RALGPS1: variants seen among roughly 807,000 people sequenced by gnomAD.
The protein encoded by RALGPS1 is Ral GEF with PH domain and SH3 binding motif 1, also known as ras-specific guanine nucleotide-releasing factor RalGPS1.
Under a neutral mutation model 78.8 loss-of-function variants are expected in RALGPS1, and 19 were observed. That is an observed-to-expected ratio of 0.24 (90% CI 0.17 to 0.35). The LOEUF (loss-of-function observed/expected upper bound fraction) is 0.35, where lower values mean the gene tolerates loss of function less well. Ranked by LOEUF, RALGPS1 falls within the 10% of genes least tolerant of loss-of-function variation. The pLI is 1.00. For synonymous variants in RALGPS1, 228 were observed against 256.3 expected, an observed-to-expected ratio of 0.89 and a Z score of 1.06; for missense variants, 454 against 688.3, an observed-to-expected ratio of 0.66 and a Z score of 3.81.
intron 8 of RALGPS1, among the ~76,000 whole-genome samples, chr9:127,144,685 A>G (rs2057994221): frequency 6.6e-6 from 1 of 152,264 alleles, no homozygotes; most frequent in South Asian, 2.1e-4. Context: ...GCAGTGAAGT[A>G]CCGATCCATG....
Position 127,051,988 on chromosome 9 carries a change from C to A in RALGPS1, c.391-859C>A, listed in dbSNP as rs945686230. On this transcript the variant is annotated intron_variant, in intron 6 of 18. Coordinates refer to ENST00000259351, the MANE Select transcript of RALGPS1 (RefSeq NM_014636.3). ...CTGAGACTCATATTGTACTGAGCTC[C>A]TGCCCTGGGACCAGCCACTGGTCTA... is the stretch of plus-strand genomic sequence containing the variant. Among the ~76,000 whole-genome samples, 3 of 152,172 alleles carry A rather than the reference C, an allele frequency of 2.0e-5. No homozygotes were observed. In the South Asian group the frequency reaches 6.2e-4, roughly 32 times the overall value.
Position 127,127,082 on chromosome 9 carries a change from G to A in RALGPS1, c.611-38987G>A, listed in dbSNP as rs531374304. On this transcript the variant is annotated intron_variant, in intron 8 of 18. Coordinates refer to ENST00000259351, the MANE Select transcript of RALGPS1 (RefSeq NM_014636.3). Reference sequence around the variant, plus strand: ...CAGTTTAGGAGTTAGCTAAGGATTTGAAGGGAATTGGTGTAGTAATTTTGG... The same window carrying A: ...CAGTTTAGGAGTTAGCTAAGGATTTAAAGGGAATTGGTGTAGTAATTTTGG... Among the ~76,000 whole-genome samples, 11 of 152,298 alleles carry A rather than the reference G, an allele frequency of 7.2e-5. No homozygotes were observed. The East Asian group carries it at 1.9e-3, about 27-fold the overall frequency.
chr9:127,095,572 G>A (rs753518859), intron 8 of RALGPS1, among the ~76,000 whole-genome samples: 1 of 152,212 alleles, frequency 6.6e-6, no homozygotes, highest in Non-Finnish European at 1.5e-5. Context: ...GGGCAGGGTG[G>A]GGCCGCTCTG....
chr9:127,169,119 TG>T (rs2059437379), intron 10 of RALGPS1, among the ~76,000 whole-genome samples: 1 of 152,202 alleles, frequency 6.6e-6, no homozygotes, highest in Admixed American at 6.5e-5. Flanking sequence ...CAGCTGTGAA[TG>T]GCACAGGCGT....
intron 14 of RALGPS1, chr9:127,210,632 C>A (rs1475259652): frequency 1.6e-6 from 2 of 1,286,244 alleles, no homozygotes; most frequent in Non-Finnish European, 2.2e-6. Context: ...GGTGCTCTTG[C>A]CTCCTTCAGG....
At chr9:127,089,874 C>A (rs553684307) in intron 8 of RALGPS1, among the ~76,000 whole-genome samples, 78 of 152,334 alleles carry the variant, frequency 5.1e-4, no homozygotes, top group African/African-American at 1.8e-3. Context: ...GCCAGCATTG[C>A]TCTTAGTGAA....
intron 7 of RALGPS1, among the ~76,000 whole-genome samples, chr9:127,064,465 T>TA (rs1353609010): frequency 6.6e-6 from 1 of 152,242 alleles, no homozygotes; most frequent in Non-Finnish European, 1.5e-5. Flanking sequence ...ACGTGAATTT[T>TA]AAAAATCACT....
intron 8 of RALGPS1, among the ~76,000 whole-genome samples, chr9:127,135,728 A>C (rs556026978): frequency 1.3e-5 from 2 of 152,272 alleles, no homozygotes; most frequent in South Asian, 4.2e-4. Context: ...TAGGGGAGGA[A>C]GTTTACAAAG....
At chr9:126,980,251 A>G (rs1362139031) in intron 4 of RALGPS1, among the ~76,000 whole-genome samples, 1 of 152,196 alleles carries the variant, frequency 6.6e-6, no homozygotes, top group Non-Finnish European at 1.5e-5. Context: ...GCATGAATAA[A>G]GTACAATTTT....
intron 5 of RALGPS1, among the ~76,000 whole-genome samples, chr9:127,035,389 G>A (rs939674103): frequency 1.3e-5 from 2 of 152,222 alleles, no homozygotes; most frequent in Non-Finnish European, 2.9e-5. Context: ...GAGGTAGGGT[G>A]TCTTATTTCT....
intron 5 of RALGPS1, among the ~76,000 whole-genome samples, chr9:127,042,209 G>A (rs1395240808): frequency 6.6e-6 from 1 of 151,992 alleles, no homozygotes; most frequent in Non-Finnish European, 1.5e-5. Context: ...GCCGTGGCAT[G>A]TCCCAGATAT....
intron 4 of RALGPS1, among the ~76,000 whole-genome samples, chr9:126,999,979 TA>T (rs2043138982): frequency 6.6e-6 from 1 of 152,228 alleles, no homozygotes; most frequent in South Asian, 2.1e-4. Flanking sequence ...TCTGAGTTGT[TA>T]AATTTATTCC....
chr9:127,161,301 G>A (rs943212185), intron 8 of RALGPS1, among the ~76,000 whole-genome samples: 6 of 152,232 alleles, frequency 3.9e-5, no homozygotes, highest in African/African-American at 1.4e-4. Flanking sequence ...GGTCAGCTCA[G>A]CTTCTTATGC....
At chr9:127,171,838 A>G (rs1256846698) in intron 10 of RALGPS1, among the ~76,000 whole-genome samples, 1 of 152,214 alleles carries the variant, frequency 6.6e-6, no homozygotes, top group Admixed American at 6.5e-5. Flanking sequence ...CTAGGTTTCC[A>G]TTGTGAACAG....
At chr9:127,160,384 G>A (rs1016483493) in intron 8 of RALGPS1, among the ~76,000 whole-genome samples, 3 of 152,234 alleles carry the variant, frequency 2.0e-5, no homozygotes, top group Non-Finnish European at 4.4e-5. Flanking sequence ...GCCCAGCTGC[G>A]GAGGGCTTCT....
chr9:126,955,068 A>G (rs779555296), intron 1 of RALGPS1, among the ~76,000 whole-genome samples: 3 of 152,220 alleles, frequency 2.0e-5, no homozygotes, highest in Non-Finnish European at 4.4e-5. Context: ...CTCCTTCCTA[A>G]GGTTTCAGCT....
chr9:127,150,171 C>T (rs2058338309), intron 8 of RALGPS1, among the ~76,000 whole-genome samples: 1 of 152,212 alleles, frequency 6.6e-6, no homozygotes, highest in South Asian at 2.1e-4. Flanking sequence ...CAGCCCAGAG[C>T]TTGTGACCAC....
chr9:126,939,243 A>G (rs1323184870), intron 1 of RALGPS1, among the ~76,000 whole-genome samples: 1 of 152,184 alleles, frequency 6.6e-6, no homozygotes, highest in East Asian at 1.9e-4. Context: ...GGACAGCAGA[A>G]CCAGGCAGCT....
At chr9:127,072,535 G>A (rs1310773261) in intron 8 of RALGPS1, among the ~76,000 whole-genome samples, 2 of 152,122 alleles carry the variant, frequency 1.3e-5, no homozygotes, top group Non-Finnish European at 2.9e-5. Context: ...TATGAGTAAT[G>A]CTTCTATGAA....
Sources: allele counts gnomAD v4.1 joint callset (sites outside exome capture counted in the v4.1 genomes callset), GRCh38; gene constraint gnomAD v4.1.1; transcripts MANE v1.5; gene names NCBI Gene and HGNC (gene_info 2026-07-23, HGNC 2026-07-21).